The following DOP1B variants were observed in gnomAD, a reference collection of about 807,000 sequenced individuals.
DOP1B encodes protein DOP1B.
A neutral mutation model predicts 233.5 loss-of-function variants in DOP1B; 174 were observed. The observed-to-expected ratio is 0.75, with a 90% CI of 0.66 to 0.85. DOP1B has a LOEUF of 0.85. DOP1B is among the 40% of genes least tolerant of loss of function. DOP1B has a pLI of 0.00. For missense variants in DOP1B, 2,652 were observed against 2,846.6 expected (o/e 0.93, Z 1.56); for synonymous variants, 1,190 against 1,185.6 (o/e 1.00, Z -0.08).
chr21:36,245,630 G>A lies in DOP1B; in HGVS notation c.3650G>A (p.Arg1217Lys), dbSNP rs368586929. Residue 1217 changes from arginine to lysine, a missense_variant, in exon 19 of 37, where the codon AGG (arginine) becomes AAG (lysine). By Grantham distance (26) the Arg-to-Lys change is conservative. Coordinates refer to ENST00000691173, the MANE Select transcript of DOP1B (RefSeq NM_001320714.2). The surrounding 1 kb of genome is among the most constrained non-coding windows in gnomAD (Gnocchi z 5.5). ...AGGCTGCTAAAGCAGCAGCGGGAAA[G>A]GCAGGAGGCCGTCGAGGCCTTGTTC... is the stretch of plus-strand genomic sequence containing the variant. Reference protein sequence around the residue: ...TSRLLKQQRERQEAVEALFKH... With the variant: ...TSRLLKQQREKQEAVEALFKH... The A allele has an allele frequency of 1.4e-5, 23 of 1,613,390 alleles. No individual in the cohort carries two copies. In the African/African-American group the frequency reaches 2.9e-4, roughly 21 times the overall value.
At chr21:36,208,581 G>A (rs185973238) in intron 4 of DOP1B, 134 bp from the exon 5 acceptor site, 18 of 895,018 alleles carry the variant, frequency 2.0e-5, no homozygotes, top group African/African-American at 7.0e-5. Flanking sequence ...AGCGGCTCCC[G>A]GCGATGAGGA....
At chr21:36,286,360 C>T (rs2067483953) in intron 32 of DOP1B, among the ~76,000 whole-genome samples, 3 of 152,010 alleles carry the variant, frequency 2.0e-5, no homozygotes, top group South Asian at 2.1e-4. Context: ...CAAAGACAGG[C>T]GCGGTGGCTC....
chr21:36,293,888 A>G lies in DOP1B; in HGVS notation c.*317A>G, dbSNP rs1333020817. Reference sequence around the variant, plus strand: ...TCCCAGCTACTTGGGAGGCTAAGGCATGAGAATTGCTTGAACCCAGGAGGT... The same window carrying G: ...TCCCAGCTACTTGGGAGGCTAAGGCGTGAGAATTGCTTGAACCCAGGAGGT... On this transcript the variant is annotated 3_prime_UTR_variant, in exon 37 of 37. Coordinates refer to ENST00000691173, the MANE Select transcript of DOP1B (RefSeq NM_001320714.2). The G allele has an allele frequency of 3.6e-6, 1 of 279,292 alleles. No individual in the cohort carries two copies. Among genetic ancestry groups the G allele is most frequent in the Admixed American group, 5.0e-5 (1 of 19,970 alleles). The allele number at this position is 279,292 out of a possible 1,614,324, so 17.3% of individuals were successfully genotyped here. A position where few individuals can be genotyped will look rare whatever the true frequency, so the allele number is the denominator to read the frequency against.
At chr21:36,230,294 C>T (rs2066744639) in intron 13 of DOP1B, among the ~76,000 whole-genome samples, 156 bp from the exon 14 acceptor site, 1 of 152,154 alleles carries the variant, frequency 6.6e-6, no homozygotes, top group Admixed American at 6.6e-5. Flanking sequence ...GCTTTGGGTG[C>T]CTCCTAAATT....
chr21:36,169,730 C>A (rs1401814388), intron 2 of DOP1B: 17 of 1,040,236 alleles, frequency 1.6e-5, no homozygotes, highest in Non-Finnish European at 2.3e-5. Context: ...CCTCATGCTG[C>A]TGAAGTCTTC....
At chr21:36,206,996 G>A (rs1016549737) in intron 4 of DOP1B, among the ~76,000 whole-genome samples, 2 of 152,072 alleles carry the variant, frequency 1.3e-5, no homozygotes, top group East Asian at 3.8e-4. Flanking sequence ...TAACGCGATG[G>A]TAGATATTTT....
chr21:36,277,204 C>A, intron 28 of DOP1B, 104 bp downstream of exon 28: 1 of 1,142,890 alleles, frequency 8.7e-7, no homozygotes, highest in Non-Finnish European at 1.3e-6. Context: ...GTGGGCCGCA[C>A]CCTCCCAGGT....
intron 2 of DOP1B, among the ~76,000 whole-genome samples, chr21:36,196,940 ATT>A (rs796111771): frequency 4.9e-5 from 7 of 142,850 alleles, no homozygotes; most frequent in Admixed American, 7.1e-5. Context: ...GTTATATCTG[ATT>A]TTTTTTTTTT....
At chr21:36,247,735 A>C (rs1314325439) in intron 20 of DOP1B, 107 bp downstream of exon 20, 4 of 757,802 alleles carry the variant, frequency 5.3e-6, no homozygotes, top group Non-Finnish European at 8.4e-6. Context: ...TCTGTAACTA[A>C]TATGCGTATG....
intron 11 of DOP1B, 83 bp from the exon 12 acceptor site, chr21:36,225,482 C>T (rs1231462711): frequency 2.8e-5 from 42 of 1,475,808 alleles, no homozygotes; most frequent in African/African-American, 1.9e-4. Context: ...CCACCCATCT[C>T]GGCCTCCCAA....
At chr21:36,174,809 A>G (rs1224855779) in intron 2 of DOP1B, among the ~76,000 whole-genome samples, 1 of 151,696 alleles carries the variant, frequency 6.6e-6, no homozygotes, top group Non-Finnish European at 1.5e-5. Flanking sequence ...CGGGATCCTG[A>G]TTTTTTACCC....
chr21:36,170,304 A>G (rs1459276143), intron 2 of DOP1B: 1 of 305,040 alleles, frequency 3.3e-6, no homozygotes, highest in African/African-American at 2.3e-5. Flanking sequence ...TTTGGAAGAA[A>G]TTTCTATTCT....
chr21:36,182,493 A>G (rs1018696190), intron 2 of DOP1B, among the ~76,000 whole-genome samples: 2 of 151,942 alleles, frequency 1.3e-5, no homozygotes, highest in African/African-American at 4.8e-5. Context: ...TCATACAAAG[A>G]GACAAAAAGG....
chr21:36,218,588 C>A (rs1218946772), intron 9 of DOP1B, among the ~76,000 whole-genome samples: 1 of 152,104 alleles, frequency 6.6e-6, no homozygotes, highest in Non-Finnish European at 1.5e-5. Flanking sequence ...GAAAATAATT[C>A]TCTCAGAGGC....
chr21:36,232,167 G>A (rs939693168), intron 14 of DOP1B, among the ~76,000 whole-genome samples: 2 of 151,744 alleles, frequency 1.3e-5, no homozygotes, highest in African/African-American at 4.8e-5. Context: ...ATTTTTAGTA[G>A]AGATGGGGTT....
chr21:36,249,511 C>T (rs1293037372), intron 21 of DOP1B, among the ~76,000 whole-genome samples: 2 of 152,210 alleles, frequency 1.3e-5, no homozygotes, highest in Non-Finnish European at 2.9e-5. Flanking sequence ...CCTTGAGTCT[C>T]TAAAGCATTT....
At chr21:36,191,922 T>C (rs1258664537) in intron 2 of DOP1B, among the ~76,000 whole-genome samples, 1 of 152,210 alleles carries the variant, frequency 6.6e-6, no homozygotes. Flanking sequence ...TAACCATTTT[T>C]AAGGGCACAG....
intron 2 of DOP1B, among the ~76,000 whole-genome samples, chr21:36,192,556 A>AT (rs981742611): frequency 2.0e-5 from 3 of 150,810 alleles, no homozygotes; most frequent in East Asian, 3.9e-4. Flanking sequence ...ATTTCTTTGT[A>AT]TTTTTTTAGT....
At chr21:36,158,198 G>A (rs1198875734) in intron 1 of DOP1B, among the ~76,000 whole-genome samples, 1 of 152,132 alleles carries the variant, frequency 6.6e-6, no homozygotes, top group African/African-American at 2.4e-5. Flanking sequence ...CTTCTTGTGT[G>A]ATTACTTCTT....
Sources: allele counts gnomAD v4.1 joint callset (sites outside exome capture counted in the v4.1 genomes callset), GRCh38; gene constraint gnomAD v4.1.1; non-coding constraint Gnocchi (gnomAD v3.1); transcripts MANE v1.5; gene names NCBI Gene and HGNC (gene_info 2026-07-23, HGNC 2026-07-21).